The following ANKS6 variants were observed in gnomAD, a reference collection of about 807,000 sequenced individuals.
ANKS6 encodes ankyrin repeat and SAM domain-containing protein 6.
In ANKS6, 47 loss-of-function variants were observed where a neutral mutation model predicts 77.9. That is an observed-to-expected ratio of 0.60 (90% CI 0.48 to 0.77). The LOEUF (loss-of-function observed/expected upper bound fraction) is 0.77, where lower values mean the gene tolerates loss of function less well. Ranked by LOEUF, ANKS6 falls within the 30% of genes least tolerant of loss-of-function variation. The pLI, the probability that ANKS6 is intolerant of heterozygous loss-of-function variation, is 0.00. For synonymous variants in ANKS6, 488 were observed against 501.7 expected, an observed-to-expected ratio of 0.97 and a Z score of 0.37; for missense variants, 1,150 against 1,159.1, an observed-to-expected ratio of 0.99 and a Z score of 0.11.
At chr9:98,767,225 C>G (rs1833350732) in intron 11 of ANKS6, among the ~76,000 whole-genome samples, 1 of 152,206 alleles carries the variant, frequency 6.6e-6, no homozygotes, top group Non-Finnish European at 1.5e-5. Context: ...AGCAGGGAGA[C>G]AAGGTCCCGG....
Position 98,756,203 on chromosome 9 carries a change from T to C in ANKS6, c.2326+217A>G, listed in dbSNP as rs117557443. Reference sequence around the variant, plus strand: ...TGTGCATGTAAACAAAAATCACCTATACTCAAAAACTCTTTGAGGGAGCTT... The same window carrying C: ...TGTGCATGTAAACAAAAATCACCTACACTCAAAAACTCTTTGAGGGAGCTT... On this transcript the variant is annotated intron_variant, in intron 12 of 14. Coordinates refer to ENST00000353234, the MANE Select transcript of ANKS6 (RefSeq NM_173551.5). Among the ~76,000 whole-genome samples, 124 of 152,300 alleles carry C rather than the reference T, an allele frequency of 8.1e-4. 3 individuals are homozygous for C. In the East Asian group the frequency reaches 0.015, roughly 18 times the overall value.
chr9:98,740,251 C>T (rs117852657), intron 14 of ANKS6, among the ~76,000 whole-genome samples: 3,994 of 152,146 alleles, frequency 0.026, 76 homozygotes, highest in Middle Eastern at 0.044. Context: ...CTCCTAGACT[C>T]GAGAGGACAG....
intron 2 of ANKS6, among the ~76,000 whole-genome samples, chr9:98,785,807 A>G (rs1834533878): frequency 6.6e-6 from 1 of 152,198 alleles, no homozygotes; most frequent in Non-Finnish European, 1.5e-5. Context: ...CAAGGAGCAC[A>G]GAGTGTGGAG....
intron 1 of ANKS6, among the ~76,000 whole-genome samples, chr9:98,795,328 A>G (rs1289543320): frequency 6.6e-6 from 1 of 152,092 alleles, no homozygotes; most frequent in African/African-American, 2.4e-5. Flanking sequence ...ATTTTTCCAA[A>G]ACGTAACTCT....
At chr9:98,740,529 T>G (rs1352563573) in intron 14 of ANKS6, among the ~76,000 whole-genome samples, 1 of 152,200 alleles carries the variant, frequency 6.6e-6, no homozygotes, top group Non-Finnish European at 1.5e-5. Flanking sequence ...GGTGGCACTG[T>G]GCAAACTGCA....
intron 13 of ANKS6, among the ~76,000 whole-genome samples, chr9:98,747,122 T>C (rs1341141709): frequency 6.6e-6 from 1 of 152,264 alleles, no homozygotes; most frequent in Non-Finnish European, 1.5e-5. Flanking sequence ...CTTTATGATC[T>C]ACATTTACAA....
chr9:98,771,793 G>A (rs1217184527), intron 9 of ANKS6, among the ~76,000 whole-genome samples: 1 of 152,092 alleles, frequency 6.6e-6, no homozygotes, highest in African/African-American at 2.4e-5. Context: ...GGTATAATAT[G>A]GGCTCTGGTC....
At position 98,734,445 on chromosome 9, in the gene ANKS6, A is replaced by T; in HGVS notation, c.*2074T>A. 1 of 985,422 alleles carries T rather than the reference A, an allele frequency of 1.0e-6. No homozygotes were observed. Among genetic ancestry groups the T allele is most frequent in the Non-Finnish European group, 1.2e-6 (1 of 829,968 alleles). 61.0% of individuals were successfully genotyped at this position (985,422 alleles called of 1,614,324 possible). A position where few individuals can be genotyped will look rare whatever the true frequency, so the allele number is the denominator to read the frequency against. The stretch of plus-strand genomic sequence containing the variant: ...GACCACAGCAAAAAGCAGGCACAAA[A>T]CCTCAAAGCACATAACGTCAGGGGC... On this transcript the variant is annotated 3_prime_UTR_variant, in exon 15 of 15. Coordinates refer to ENST00000353234, the MANE Select transcript of ANKS6 (RefSeq NM_173551.5).
chr9:98,736,178 G>A lies in ANKS6; in HGVS notation c.*341C>T, dbSNP rs560008608. On this transcript the variant is annotated 3_prime_UTR_variant, in exon 15 of 15. Coordinates refer to ENST00000353234, the MANE Select transcript of ANKS6 (RefSeq NM_173551.5). ...AAGAAGCAGCCGTGCCTTCTCCATC[G>A]TCCCTTTCCCTTGCCGCCAGCCAGA... 189 of 1,172,886 alleles carry A rather than the reference G, an allele frequency of 1.6e-4. No homozygotes were observed. The highest frequency in any genetic ancestry group is 1.2e-3 in the African/African-American group (79 of 63,420). The allele number at this position is 1,172,886 out of a possible 1,614,324, so 72.7% of individuals were successfully genotyped here. A position where few individuals can be genotyped will look rare whatever the true frequency, so the allele number is the denominator to read the frequency against.
At chr9:98,743,721 T>C (rs1276618938) in intron 14 of ANKS6, among the ~76,000 whole-genome samples, 1 of 152,222 alleles carries the variant, frequency 6.6e-6, no homozygotes, top group Admixed American at 6.5e-5. Context: ...GAAACTGACT[T>C]CTGTGGCTTT....
intron 1 of ANKS6, among the ~76,000 whole-genome samples, chr9:98,795,281 A>T (rs1417203352): frequency 6.6e-6 from 1 of 152,022 alleles, no homozygotes; most frequent in Admixed American, 6.5e-5. Flanking sequence ...AGCTTACCCT[A>T]GAGTATCTAA....
intron 2 of ANKS6, chr9:98,789,844 G>A (rs1344301205): frequency 9.5e-5 from 42 of 441,234 alleles, no homozygotes; most frequent in Non-Finnish European, 7.8e-6. Context: ...AGAATGATGT[G>A]CTTGGGGAGA....
chr9:98,784,764 A>T, intron 3 of ANKS6, 68 bp downstream of exon 3: 1 of 1,458,292 alleles, frequency 6.9e-7, no homozygotes. Context: ...AAAGGACTAC[A>T]AATATTAGGT....
At chr9:98,774,160 C>T in intron 8 of ANKS6, 80 bp from the exon 9 acceptor site, 1 of 1,262,672 alleles carries the variant, frequency 7.9e-7, no homozygotes, top group Non-Finnish European at 1.0e-6. Context: ...GTTTTTCCTG[C>T]TTCTTGGGGC....
chr9:98,780,365 C>A, intron 5 of ANKS6, 28 bp from the exon 6 acceptor site: 1 of 1,555,836 alleles, frequency 6.4e-7, no homozygotes, highest in East Asian at 2.3e-5. Context: ...ATCATTTTAC[C>A]TGCAAATATG....
At chr9:98,755,782 T>A (rs529641544) in intron 12 of ANKS6, among the ~76,000 whole-genome samples, 12 of 152,270 alleles carry the variant, frequency 7.9e-5, no homozygotes, top group African/African-American at 2.9e-4. Flanking sequence ...ACAGAGATAG[T>A]CAAGGGAGGG....
chr9:98,735,382 G>A lies in ANKS6; in HGVS notation c.*1137C>T, dbSNP rs1199992239. Reference sequence around the variant, plus strand: ...AACATAAATGCAACAAGCACTGGCTGAATGAGTCATTCACTGGAAAACACT... The same window carrying A: ...AACATAAATGCAACAAGCACTGGCTAAATGAGTCATTCACTGGAAAACACT... On this transcript the variant is annotated 3_prime_UTR_variant, in exon 15 of 15. Transcript: ENST00000353234. The A allele has an allele frequency of 1.8e-6, 2 of 1,101,852 alleles. No homozygotes were observed. Among genetic ancestry groups the A allele is most frequent in the Non-Finnish European group, 1.1e-6 (1 of 906,816 alleles). The allele number at this position is 1,101,852 out of a possible 1,614,324, so 68.3% of individuals were successfully genotyped here.
intron 5 of ANKS6, among the ~76,000 whole-genome samples, chr9:98,781,155 C>T (rs1158816687): frequency 1.3e-5 from 2 of 152,238 alleles, no homozygotes; most frequent in South Asian, 2.1e-4. Flanking sequence ...CCACCTCAGC[C>T]TCCCAAAGTG....
At chr9:98,771,084 G>A (rs1833599573) in intron 9 of ANKS6, 38 bp from the exon 10 acceptor site, 25 of 1,465,108 alleles carry the variant, frequency 1.7e-5, no homozygotes, top group Non-Finnish European at 2.2e-5. Flanking sequence ...TAGGGAGGCT[G>A]CTCCTCCCTC....
Sources: gnomAD v4.1 joint callset for allele counts (sites outside exome capture counted in the v4.1 genomes callset) on GRCh38, gnomAD v4.1.1 for gene constraint, MANE v1.5 for transcripts, NCBI Gene and HGNC (gene_info 2026-07-23, HGNC 2026-07-21) for gene names.